Variants in CHN2 observed in about 807,000 individuals in gnomAD.
The protein encoded by CHN2 is chimerin 2, also known as beta-chimaerin.
CHN2 carries 35 observed loss-of-function variants against 56.3 expected under a neutral mutation model. The ratio of observed to expected loss-of-function variants is 0.62; its 90% CI spans 0.47 to 0.82. The LOEUF (loss-of-function observed/expected upper bound fraction) is 0.82, where lower values mean the gene tolerates loss of function less well. Ranked by LOEUF, CHN2 falls within the 40% of genes least tolerant of loss-of-function variation. The pLI is 0.00. For synonymous variants in CHN2, 210 were observed against 212.8 expected, an observed-to-expected ratio of 0.99 and a Z score of 0.12; for missense variants, 491 against 580.5, an observed-to-expected ratio of 0.85 and a Z score of 1.58.
At chr7:29,232,227 G>C (rs1318709044) in intron 1 of CHN2, among the ~76,000 whole-genome samples, 2 of 152,044 alleles carry the variant, frequency 1.3e-5, no homozygotes, top group Non-Finnish European at 2.9e-5. Context: ...TTTTTTTATA[G>C]TCAGAATTAG....
rs1037161501 is a variant in CHN2, at chr7:29,351,607, G to A, written c.50-3018G>A. Among the ~76,000 whole-genome samples the A allele has an allele frequency of 4.6e-5, 7 of 152,302 alleles. No individual in the cohort carries two copies. The South Asian group carries it at 1.5e-3, about 32-fold the overall frequency. On this transcript the variant is annotated intron_variant, in intron 1 of 12. Transcript: ENST00000222792. ...ACATCAAGCTGAGCCCTATGCGATG[G>A]AGCCAGTGAGCCATGCAGCGATCTA...
chr7:29,413,588 A>G (rs1803450410), intron 6 of CHN2, among the ~76,000 whole-genome samples: 1 of 152,200 alleles, frequency 6.6e-6, no homozygotes, highest in East Asian at 1.9e-4. Context: ...ATTCTGCTTC[A>G]TGACAACCCT....
rs1248801649 is a variant in CHN2, at chr7:29,228,260, C to T, written c.49+33270C>T. Among the ~76,000 whole-genome samples the T allele has an allele frequency of 3.3e-5, 5 of 151,858 alleles. 1 individual carries two copies. Among genetic ancestry groups the T allele is most frequent in the African/African-American group, 2.4e-5 (1 of 41,438 alleles). On this transcript the variant is annotated intron_variant, in intron 1 of 12. Coordinates refer to ENST00000222792, the MANE Select transcript of CHN2 (RefSeq NM_004067.4). ...TGCCACACCATGATGTTTCCGTCAT[C>T]GACAGACTGCATATACCACAGTGGT...
chr7:29,436,712 C>T (rs2128119844), intron 6 of CHN2, among the ~76,000 whole-genome samples: 1 of 152,220 alleles, frequency 6.6e-6, no homozygotes, highest in Middle Eastern at 3.4e-3. Flanking sequence ...AGTTATTAAC[C>T]AATCATGTGA....
intron 6 of CHN2, among the ~76,000 whole-genome samples, chr7:29,458,829 C>T (rs1309560780): frequency 1.3e-5 from 2 of 152,332 alleles, no homozygotes; most frequent in East Asian, 3.9e-4. Context: ...AAAGAAGATA[C>T]CACATTTGGC....
intron 1 of CHN2, among the ~76,000 whole-genome samples, chr7:29,340,839 TAAGG>T (rs1299727087): frequency 6.6e-6 from 1 of 152,324 alleles, no homozygotes; most frequent in Admixed American, 6.5e-5. Flanking sequence ...CTTGTTTCCT[TAAGG>T]AAGGAAGAAT....
At chr7:29,236,558 A>G (rs756121633) in intron 1 of CHN2, among the ~76,000 whole-genome samples, 10 of 152,212 alleles carry the variant, frequency 6.6e-5, no homozygotes, top group African/African-American at 9.6e-5. Flanking sequence ...TGGACCCTAG[A>G]AGACCTAGGA....
intron 1 of CHN2, among the ~76,000 whole-genome samples, chr7:29,226,327 C>G (rs1205691295): frequency 6.6e-6 from 1 of 152,118 alleles, no homozygotes; most frequent in Admixed American, 6.5e-5. Context: ...CTGGGGATAG[C>G]CAAGCCCACA....
At chr7:29,316,936 T>C (rs1794996634) in intron 1 of CHN2, among the ~76,000 whole-genome samples, 1 of 152,198 alleles carries the variant, frequency 6.6e-6, no homozygotes, top group Non-Finnish European at 1.5e-5. Flanking sequence ...AAAAGGGGTG[T>C]AGGTAGCTTG....
At chr7:29,177,079 GAT>G (rs1418075552) in intron 2 of CHN2, among the ~76,000 whole-genome samples, 1 of 152,104 alleles carries the variant, frequency 6.6e-6, no homozygotes, top group East Asian at 1.9e-4. Context: ...ATCTCCTTAA[GAT>G]AAAATATTTT....
intron 1 of CHN2, among the ~76,000 whole-genome samples, chr7:29,236,578 A>G (rs922731386): frequency 1.3e-5 from 2 of 152,214 alleles, no homozygotes; most frequent in Non-Finnish European, 2.9e-5. Flanking sequence ...ACATTCTCCA[A>G]CTAGATTTGC....
chr7:29,273,343 G>GTATATATATATGTGTATA (rs1790837769), intron 1 of CHN2, among the ~76,000 whole-genome samples: 5 of 58,178 alleles, frequency 8.6e-5, no homozygotes, highest in African/African-American at 3.2e-4. Context: ...ATATATATGT[G>GTATATATATATGTGTATA]TATATATATA....
chr7:29,445,119 G>A (rs1192003838), intron 6 of CHN2: 4 of 455,770 alleles, frequency 8.8e-6, no homozygotes, highest in Non-Finnish European at 1.8e-5. Context: ...CTTTCTTCTG[G>A]AACAGAAAGT....
At chr7:29,427,803 T>C (rs1313599336) in intron 6 of CHN2, among the ~76,000 whole-genome samples, 2 of 151,840 alleles carry the variant, frequency 1.3e-5, no homozygotes, top group African/African-American at 4.8e-5. Flanking sequence ...ACTACAGGCA[T>C]GCACCACCAT....
chr7:29,383,289 G>A (rs7794789), intron 3 of CHN2, among the ~76,000 whole-genome samples: 7,010 of 152,178 alleles, frequency 0.046, 542 homozygotes, highest in African/African-American at 0.16. Context: ...AGGCCTGAGA[G>A]CTCTCGAGCT....
intron 12 of CHN2, 103 bp downstream of exon 12, chr7:29,509,509 C>T (rs1318865862): frequency 2.2e-6 from 2 of 890,338 alleles, no homozygotes; most frequent in Non-Finnish European, 3.6e-6. Context: ...GCTGGAGTTT[C>T]ACTGTGCCAG....
Position 29,367,949 on chromosome 7 carries a change from G to A in CHN2, c.106G>A (p.Glu36Lys), listed in dbSNP as rs1223491452. The change falls in exon 3 of 13, where the codon GAG (glutamate) becomes AAG (lysine). Residue 36 changes from glutamate to lysine, a missense_variant. Coordinates refer to ENST00000222792, the MANE Select transcript of CHN2 (RefSeq NM_004067.4). ...TTTGGCAGTATATCAGTTACAGCAAGAGGCACCTCGTCCCAAGAGAATCAT... is the reference window on the plus strand; with the variant it reads ...TTTGGCAGTATATCAGTTACAGCAAAAGGCACCTCGTCCCAAGAGAATCAT... ...WKSYLYQLQQ[E>K]APRPKRIICP... 5 of 1,611,390 alleles carry A rather than the reference G, an allele frequency of 3.1e-6. No homozygotes were observed. Among genetic ancestry groups the A allele is most frequent in the Non-Finnish European group, 3.4e-6 (4 of 1,178,930 alleles).
At chr7:29,471,323 T>A (rs1265300856) in intron 6 of CHN2, among the ~76,000 whole-genome samples, 1 of 152,210 alleles carries the variant, frequency 6.6e-6, no homozygotes, top group South Asian at 2.1e-4. Context: ...AGTCTTCCTC[T>A]ATGAGGTGGA....
rs546332336 is a variant in CHN2 at position 29,290,841 on chromosome 7, G to C, written c.50-63784G>C. ...CAGTGAGAGACCAATGCAAGTTTTA[G>C]AGCGAGAGTGAAAATTTATTAAAAA... On this transcript the variant is annotated intron_variant, in intron 1 of 12. Transcript: ENST00000222792. Among the ~76,000 whole-genome samples the C allele has an allele frequency of 2.0e-5, 3 of 152,212 alleles. No homozygotes were observed. The South Asian group carries it at 6.2e-4, about 32-fold the overall frequency.
Sources: allele counts gnomAD v4.1 joint callset (sites outside exome capture counted in the v4.1 genomes callset), GRCh38; gene constraint gnomAD v4.1.1; transcripts MANE v1.5; gene names NCBI Gene and HGNC (gene_info 2026-07-23, HGNC 2026-07-21).